RTL4: variants seen among roughly 807,000 people sequenced by gnomAD.
The protein encoded by RTL4 is retrotransposon Gag-like protein 4.
In RTL4, 4 loss-of-function variants were observed where a neutral mutation model predicts 5.3. That is an observed-to-expected ratio of 0.75 (90% CI 0.37 to 1.72). RTL4 has a LOEUF of 1.72. Among genes scored for constraint, RTL4 ranks in the 40% most tolerant of loss-of-function variants. The pLI is 0.04. For missense variants in RTL4, 260 were observed against 227.1 expected, an observed-to-expected ratio of 1.14 and a Z score of -0.93; for synonymous variants, 98 against 87.3, an observed-to-expected ratio of 1.12 and a Z score of -0.68.
At chrX:112,310,369 CATATATATATATATATATATATATAT>C in the RTL4 span, among the ~76,000 whole-genome samples, 145 of 4,369 alleles carry the variant, frequency 0.033, 8 homozygotes, top group African/African-American at 0.073. Flanking sequence ...CACCTTTATA[CATATATATATATATATATATATATAT>C]ATATATATAT....
the RTL4 span, among the ~76,000 whole-genome samples, chrX:112,154,389 A>C: frequency 8.9e-6 from 1 of 112,016 alleles, no homozygotes; most frequent in Admixed American, 9.5e-5. Flanking sequence ...ATAAGCCATA[A>C]TTTCTTATTT....
At chrX:112,334,517 G>A in the RTL4 span, among the ~76,000 whole-genome samples, 3 of 111,394 alleles carry the variant, frequency 2.7e-5, no homozygotes, top group African/African-American at 9.8e-5. Context: ...TGATTTTAGA[G>A]CCTTCCAGAT....
the RTL4 span, among the ~76,000 whole-genome samples, chrX:112,252,417 AAG>A: frequency 2.3e-3 from 254 of 112,121 alleles, no homozygotes; most frequent in Non-Finnish European, 3.7e-3. Flanking sequence ...TATTTGGAGA[AAG>A]AGAGTGAGAA....
At chrX:112,155,971 T>C in the RTL4 span, among the ~76,000 whole-genome samples, 1 of 111,914 alleles carries the variant, frequency 8.9e-6, no homozygotes, top group Non-Finnish European at 1.9e-5. Flanking sequence ...GCTCTGGTAG[T>C]TTTAGGCCAA....
At chrX:112,303,255 A>G in the RTL4 span, among the ~76,000 whole-genome samples, 1 of 111,590 alleles carries the variant, frequency 9.0e-6, no homozygotes, top group Non-Finnish European at 1.9e-5. Flanking sequence ...CAAACACAAA[A>G]AATACCCTTT....
At chrX:112,273,625 A>C in the RTL4 span, among the ~76,000 whole-genome samples, 2 of 111,776 alleles carry the variant, frequency 1.8e-5, no homozygotes, top group Admixed American at 1.9e-4. Flanking sequence ...GCATTCAATA[A>C]GTTCCATCAT....
At chrX:112,174,804 G>C in the RTL4 span, among the ~76,000 whole-genome samples, 2 of 99,672 alleles carry the variant, frequency 2.0e-5, no homozygotes, top group East Asian at 3.2e-4. Context: ...TCTCATTGTG[G>C]TTTTGATTTG....
At chrX:112,121,627 T>G in the RTL4 span, among the ~76,000 whole-genome samples, 1 of 111,542 alleles carries the variant, frequency 9.0e-6, no homozygotes, top group East Asian at 2.8e-4. Flanking sequence ...AGAAGTACAA[T>G]ATATGTTAGA....
chrX:112,365,078 C>G, the RTL4 span, among the ~76,000 whole-genome samples: 4 of 110,795 alleles, frequency 3.6e-5, no homozygotes, highest in Non-Finnish European at 7.6e-5. Context: ...GGTGCCTAAT[C>G]CAGTCTTTAA....
chrX:112,435,852 G>C, the RTL4 span, among the ~76,000 whole-genome samples: 1 of 112,098 alleles, frequency 8.9e-6, no homozygotes, highest in African/African-American at 3.2e-5. Flanking sequence ...TCTCCCTTCT[G>C]TTCCTTTAAG....
chrX:112,188,822 T>C, the RTL4 span, among the ~76,000 whole-genome samples: 1 of 110,833 alleles, frequency 9.0e-6, no homozygotes, highest in African/African-American at 3.3e-5. Context: ...TTTTAAGTAA[T>C]GTCGGAGTTG....
chrX:112,085,506 A>AAT, the RTL4 span, among the ~76,000 whole-genome samples: 3 of 112,125 alleles, frequency 2.7e-5, no homozygotes, highest in Admixed American at 2.8e-4. Context: ...CCAGTCATTA[A>AAT]GCAGGGTTTC....
the RTL4 span, among the ~76,000 whole-genome samples, chrX:112,083,777 A>C: frequency 1.8e-5 from 2 of 111,074 alleles, no homozygotes; most frequent in Non-Finnish European, 3.8e-5. Flanking sequence ...TGGCGCTCAG[A>C]ATGTCCACCC....
the RTL4 span, among the ~76,000 whole-genome samples, chrX:112,405,468 G>T: frequency 8.9e-6 from 1 of 112,138 alleles, no homozygotes; most frequent in African/African-American, 3.2e-5. Context: ...AATTCCTGTG[G>T]TGTTATTTCT....
chrX:112,152,190 T>C, the RTL4 span, among the ~76,000 whole-genome samples: 1 of 111,763 alleles, frequency 8.9e-6, no homozygotes, highest in African/African-American at 3.3e-5. Flanking sequence ...GATATAGTAC[T>C]ACGATCTTCA....
downstream of RTL4, among the ~76,000 whole-genome samples, chrX:112,457,285 C>T (rs1025569191): frequency 1.8e-5 from 2 of 112,133 alleles, no homozygotes; most frequent in South Asian, 3.7e-4. Context: ...TTTGCATTCA[C>T]GAATGGTTTC....
At chrX:112,309,060 T>C in the RTL4 span, among the ~76,000 whole-genome samples, 1 of 111,779 alleles carries the variant, frequency 8.9e-6, no homozygotes, top group Non-Finnish European at 1.9e-5. Context: ...TTCTAGAGTA[T>C]TTAAACCATT....
chrX:112,152,063 T>C, the RTL4 span, among the ~76,000 whole-genome samples: 2 of 111,779 alleles, frequency 1.8e-5, no homozygotes, highest in African/African-American at 6.5e-5. Context: ...AACGTTATGA[T>C]AACTTGACCG....
chrX:112,241,448 G>C, the RTL4 span, among the ~76,000 whole-genome samples: 4 of 112,353 alleles, frequency 3.6e-5, no homozygotes, highest in Middle Eastern at 4.6e-3. Flanking sequence ...GACCAGTGAT[G>C]ATGAGCATTT....
Sources: gnomAD v4.1 joint callset for allele counts (sites outside exome capture counted in the v4.1 genomes callset) on GRCh38, gnomAD v4.1.1 for gene constraint, MANE v1.5 for transcripts, NCBI Gene and HGNC (gene_info 2026-07-23, HGNC 2026-07-21) for gene names.